Variants in PHLDB2 observed in about 807,000 individuals in gnomAD.
PHLDB2 encodes pleckstrin homology like domain family B member 2, also known as pleckstrin homology-like domain family B member 2.
A neutral mutation model predicts 123.6 loss-of-function variants in PHLDB2; 71 were observed. That is an observed-to-expected ratio of 0.57 (90% confidence interval 0.47 to 0.70). PHLDB2 has a LOEUF of 0.70. Among genes scored for constraint, PHLDB2 ranks in the 30% least tolerant of loss-of-function variants. PHLDB2 has a pLI of 0.00. For synonymous variants in PHLDB2, 547 were observed against 541.6 expected (o/e 1.01, Z -0.14); for missense variants, 1,446 against 1,519.5 (o/e 0.95, Z 0.80).
intron 1 of PHLDB2, among the ~76,000 whole-genome samples, chr3:111,751,213 A>T (rs2059768837): frequency 6.7e-6 from 1 of 150,224 alleles, no homozygotes; most frequent in Non-Finnish European, 1.5e-5. Context: ...GTGTGCAGAC[A>T]GATAGTAACC....
chr3:111,830,956 A>AAGGAAGGAAGGAAG lies in PHLDB2; in HGVS notation c.-48-14865_-48-14864insAGGAAGGAAGGAAG, dbSNP rs1174498405. Among the ~76,000 whole-genome samples, 2 of 24,758 alleles carry AAGGAAGGAAGGAAG rather than the reference A, an allele frequency of 8.1e-5. 1 individual carries two copies. The highest frequency in any genetic ancestry group is 1.6e-4 in the Non-Finnish European group (2 of 12,532). 16.2% of individuals were successfully genotyped at this position (24,758 alleles called of 152,430 possible). On this transcript the variant is annotated intron_variant, in intron 1 of 17. Transcript: ENST00000393923. ...AAAGAAAAGAAGGAAAGAAAGAAAGAGAAAGAAAGAAAGAAAGAAAGAAAG... is the reference window on the plus strand; with the variant it reads ...AAAGAAAAGAAGGAAAGAAAGAAAGAAGGAAGGAAGGAAGGAAAGAAAGAAAGAAAGAAAGAAAG...
At chr3:111,921,570 A>G (rs966391642) in intron 5 of PHLDB2, among the ~76,000 whole-genome samples, 2 of 149,334 alleles carry the variant, frequency 1.3e-5, no homozygotes, top group African/African-American at 4.9e-5. Flanking sequence ...GGCTTTTCAT[A>G]TTAAATTTTA....
At chr3:111,886,782 T>A (rs1187867666) in intron 2 of PHLDB2, among the ~76,000 whole-genome samples, 2 of 152,204 alleles carry the variant, frequency 1.3e-5, no homozygotes, top group Non-Finnish European at 2.9e-5. Context: ...AGTATGACTT[T>A]CCTCTTTATT....
chr3:111,818,253 T>C (rs2062196402), intron 1 of PHLDB2, among the ~76,000 whole-genome samples: 1 of 151,688 alleles, frequency 6.6e-6, no homozygotes, highest in Admixed American at 6.6e-5. Flanking sequence ...GCCTTGGAAA[T>C]GGAGAGATGA....
At chr3:111,964,046 C>T (rs913893458) in intron 13 of PHLDB2, among the ~76,000 whole-genome samples, 1 of 152,172 alleles carries the variant, frequency 6.6e-6, no homozygotes, top group Non-Finnish European at 1.5e-5. Context: ...CCACCTTTTA[C>T]AGGCATCTTC....
intron 1 of PHLDB2, among the ~76,000 whole-genome samples, chr3:111,786,219 T>C (rs2060674209): frequency 6.6e-6 from 1 of 152,180 alleles, no homozygotes; most frequent in African/African-American, 2.4e-5. Flanking sequence ...TAATACACTG[T>C]AAATGCAATG....
At chr3:111,830,476 T>C (rs1297112261) in intron 1 of PHLDB2, among the ~76,000 whole-genome samples, 1 of 149,714 alleles carries the variant, frequency 6.7e-6, no homozygotes, top group Non-Finnish European at 1.5e-5. Flanking sequence ...ATAAATCTTT[T>C]GTTCTGAAAT....
chr3:111,761,708 G>A (rs2059997771), intron 1 of PHLDB2, among the ~76,000 whole-genome samples: 1 of 152,152 alleles, frequency 6.6e-6, no homozygotes, highest in African/African-American at 2.4e-5. Flanking sequence ...GTACATGTGG[G>A]TGGGGCAAGA....
In PHLDB2 at chr3:111,885,173, C is replaced by T; in HGVS notation, c.1096C>T (p.His366Tyr). ...QASYVGTNPSHSLLAGESDRV... is the reference protein window; with the variant it reads ...QASYVGTNPSYSLLAGESDRV... ...TTCATATGTGGGGACAAACCCGAGT[C>T]ATTCACTTCTTGCTGGAGAGTCAGA... The change falls in exon 2 of 18, where the codon CAT becomes TAT. Residue 366 changes from histidine to tyrosine, a missense_variant. His to Tyr is a moderately conservative substitution (Grantham distance 83). Coordinates refer to ENST00000431670, the MANE Select transcript of PHLDB2 (RefSeq NM_001134438.2). The T allele has an allele frequency of 6.2e-7, 1 of 1,614,122 alleles. No individual in the cohort carries two copies. The highest frequency in any genetic ancestry group is 1.1e-5 in the South Asian group (1 of 91,072).
chr3:111,777,269 A>G (rs1398495843), intron 1 of PHLDB2, among the ~76,000 whole-genome samples: 2 of 152,190 alleles, frequency 1.3e-5, no homozygotes, highest in African/African-American at 4.8e-5. Flanking sequence ...ACAGGTATCT[A>G]TCTCCATTAC....
intron 8 of PHLDB2, among the ~76,000 whole-genome samples, chr3:111,944,203 C>T (rs765725757): frequency 8.6e-5 from 13 of 151,980 alleles, no homozygotes; most frequent in Non-Finnish European, 1.9e-4. Flanking sequence ...GTGTTAAGGC[C>T]GTGGAAATCA....
intron 2 of PHLDB2, among the ~76,000 whole-genome samples, chr3:111,901,479 T>G (rs944073761): frequency 1.3e-5 from 2 of 152,158 alleles, no homozygotes; most frequent in Non-Finnish European, 2.9e-5. Context: ...ATGCAGACTT[T>G]CCTAGTTCTT....
Position 111,913,555 on chromosome 3 carries a change from T to A in PHLDB2, c.1572T>A (p.Ser524Arg), listed in dbSNP as rs781069318. 5.6e-6 allele frequency: 9 copies of A among 1,613,484 alleles called. No homozygotes were observed. Among genetic ancestry groups the A allele is most frequent in the Non-Finnish European group, 5.9e-6 (7 of 1,179,946 alleles). ...ATGCAGACTTGGCAAGCTGTGGGAG[T>A]CTCAGTCAGAGCAGTGCCAGCTTCT... Reference protein sequence around the residue: ...LPDADLASCGSLSQSSASFFT... With the variant: ...LPDADLASCGRLSQSSASFFT... Residue 524 changes from serine to arginine, a missense_variant, in exon 3 of 18, where the codon AGT (serine) becomes AGA (arginine). Around this residue, in one of 3 missense-constraint regions of PHLDB2, gnomAD observed 832 missense variants for 831.9 expected, o/e 1.00. Coordinates refer to ENST00000431670, the MANE Select transcript of PHLDB2 (RefSeq NM_001134438.2).
At chr3:111,880,216 C>G (rs1367695042) in intron 1 of PHLDB2, among the ~76,000 whole-genome samples, 1 of 152,020 alleles carries the variant, frequency 6.6e-6, no homozygotes, top group Non-Finnish European at 1.5e-5. Flanking sequence ...TCAGCGTTCT[C>G]TACCATAGCA....
chr3:111,912,356 A>G (rs1475560844), intron 2 of PHLDB2, among the ~76,000 whole-genome samples: 3 of 152,236 alleles, frequency 2.0e-5, no homozygotes, highest in Non-Finnish European at 4.4e-5. Flanking sequence ...ATAGATATCA[A>G]TGGCCTATGT....
At chr3:111,973,023 A>G (rs2072311266) in intron 16 of PHLDB2, among the ~76,000 whole-genome samples, 1 of 152,202 alleles carries the variant, frequency 6.6e-6, no homozygotes, top group Non-Finnish European at 1.5e-5. Context: ...ATTCTTTAAT[A>G]TGCTGACACG....
chr3:111,775,175 A>G (rs1445138581), intron 1 of PHLDB2, among the ~76,000 whole-genome samples: 2 of 152,164 alleles, frequency 1.3e-5, no homozygotes, highest in African/African-American at 4.8e-5. Context: ...ATGAGTAGAT[A>G]CTATCATCAT....
chr3:111,763,337 A>G (rs1009100054), intron 1 of PHLDB2, among the ~76,000 whole-genome samples: 2 of 152,184 alleles, frequency 1.3e-5, no homozygotes, highest in South Asian at 2.1e-4. Flanking sequence ...TTGGAGCCCA[A>G]CTGTTTGACT....
At chr3:111,909,770 T>A (rs2067768467) in intron 2 of PHLDB2, among the ~76,000 whole-genome samples, 1 of 147,322 alleles carries the variant, frequency 6.8e-6, no homozygotes, top group African/African-American at 2.6e-5. Flanking sequence ...TTATAATAGG[T>A]CCTCCTAAAA....
Sources: allele counts gnomAD v4.1 joint callset (sites outside exome capture counted in the v4.1 genomes callset), GRCh38; gene constraint gnomAD v4.1.1; regional missense constraint gnomAD v4.1.1; transcripts MANE v1.5; gene names NCBI Gene and HGNC (gene_info 2026-07-23, HGNC 2026-07-21).